PCDHGC3: variants seen among roughly 807,000 people sequenced by gnomAD.
The protein encoded by PCDHGC3 is protocadherin gamma subfamily C, 3.
Under a neutral mutation model 59.2 loss-of-function variants are expected in PCDHGC3, and 26 were observed. That is an observed-to-expected ratio of 0.44 (90% CI 0.32 to 0.61). The LOEUF (loss-of-function observed/expected upper bound fraction) is 0.61, where lower values mean the gene tolerates loss of function less well. Ranked by LOEUF, PCDHGC3 falls within the 20% of genes least tolerant of loss-of-function variation. PCDHGC3 has a pLI of 0.05. For missense variants in PCDHGC3, 1,080 were observed against 1,221.8 expected (o/e 0.88, Z 1.73); for synonymous variants, 487 against 519.7 (o/e 0.94, Z 0.86).
chr5:141,497,829 C>T (rs754594104), intron 2 of PCDHGC3, among the ~76,000 whole-genome samples: 147 of 152,160 alleles, frequency 9.7e-4, no homozygotes, highest in Non-Finnish European at 1.8e-3. Flanking sequence ...TGTGATCGCC[C>T]CCGGCCACAA....
At position 141,477,722 on chromosome 5, in the gene PCDHGC3, A is replaced by G. The variant is rs768705340; in HGVS notation, c.1606A>G (p.Thr536Ala). 9.3e-6 allele frequency: 15 copies of G among 1,613,878 alleles called. No homozygotes were observed. In the Middle Eastern group the frequency reaches 6.6e-4, roughly 71 times the overall value. Residue 536 changes from threonine to alanine, a missense_variant, in exon 1 of 4, where the codon ACA becomes GCA. Thr to Ala is a moderately conservative substitution (Grantham distance 58, BLOSUM62 0). Transcript: ENST00000308177. The surrounding 1 kb of genome is among the most constrained non-coding windows in gnomAD (Gnocchi z 4.9). ...TGAGGATCGGCGGGAATTTGAATTA[A>G]CAGCTCATATCAGCGATGGGGGCAC... ...DYEDRREFEL[T>A]AHISDGGTPV...
chr5:141,484,334 A>G (rs988395353), intron 1 of PCDHGC3, among the ~76,000 whole-genome samples: 3 of 152,192 alleles, frequency 2.0e-5, no homozygotes, highest in East Asian at 1.9e-4. Context: ...CTTGAAATCA[A>G]TGAATGGTAA....
intron 3 of PCDHGC3, among the ~76,000 whole-genome samples, chr5:141,509,320 C>A (rs1261653347): frequency 6.6e-6 from 1 of 152,194 alleles, no homozygotes; most frequent in Non-Finnish European, 1.5e-5. Flanking sequence ...GGGAGAGAAG[C>A]TCTACTGCCA....
chr5:141,482,747 G>T lies in PCDHGC3; in HGVS notation c.2430+4201G>T, dbSNP rs182945398. On this transcript the variant is annotated intron_variant, in intron 1 of 3. Transcript: ENST00000308177. ...CATTGCAAGAAATTCCATGCAGAGG[G>T]ATTATGGTATTTCATTATCACTGAA... Among the ~76,000 whole-genome samples, 567 of 128,410 alleles carry T rather than the reference G, an allele frequency of 4.4e-3. 2 individuals carry two copies. The highest frequency in any genetic ancestry group is 0.019 in the African/African-American group (533 of 28,666). The allele number at this position is 128,410 out of a possible 152,430, so 84.2% of individuals were successfully genotyped here. A position where few individuals can be genotyped will look rare whatever the true frequency, so the allele number is the denominator to read the frequency against.
intron 3 of PCDHGC3, among the ~76,000 whole-genome samples, chr5:141,509,880 T>C (rs1475661741): frequency 6.6e-6 from 1 of 152,184 alleles, no homozygotes; most frequent in African/African-American, 2.4e-5. Flanking sequence ...CTGGTGGTGA[T>C]GGTGACTGAC....
rs1562052190 is a variant in PCDHGC3, at chr5:141,476,218, CTA to C, written c.104_105del (p.Tyr35Ter). The C allele has an allele frequency of 6.2e-7, 1 of 1,613,984 alleles. No individual in the cohort carries two copies. The highest frequency in any genetic ancestry group is 8.5e-7 in the Non-Finnish European group (1 of 1,180,024). ...TGAACAAGGCTTCCACGGTCATTCA[CTA>C]TGAGATCCCGGAGGAAAGAGAGAAG... The part of the protein sequence containing the change: ...ALNKASTVIH[Y>X]EIPEEREKGF... On this transcript the variant is annotated frameshift_variant, in exon 1 of 4. Coordinates refer to ENST00000308177, the MANE Select transcript of PCDHGC3 (RefSeq NM_002588.4). LOFTEE classifies it high-confidence loss of function. This position sits in a 1 kb window ranked among gnomAD's most constrained non-coding sequence, Gnocchi z 7.6.
At chr5:141,507,016 G>C (rs913170594) in intron 3 of PCDHGC3, 1 of 152,166 alleles carries the variant, frequency 6.6e-6, no homozygotes, top group African/African-American at 2.4e-5. Context: ...AACCGAGAAG[G>C]CACTTGCCCC....
Position 141,478,169 on chromosome 5 carries a change from G to T in PCDHGC3, c.2053G>T (p.Glu685Ter). 1 of 1,613,834 alleles carries T rather than the reference G, an allele frequency of 6.2e-7. No individual in the cohort carries two copies. The highest frequency in any genetic ancestry group is 8.5e-7 in the Non-Finnish European group (1 of 1,180,000). Residue 685 changes from glutamate (E) to a stop codon, truncating the protein, a stop_gained, in exon 1 of 4, where the codon GAG becomes TAG. Coordinates refer to ENST00000308177, the MANE Select transcript of PCDHGC3 (RefSeq NM_002588.4). LOFTEE classifies it high-confidence loss of function. ...GTTCCCCTCTGGCTCTGCCCCCCGG[G>T]AGCAGAAAAAAAATCTCACCTTTTA... ...AEFPSGSAPR[E>*]QKKNLTFYLL... is the part of the protein sequence containing the mutation.
At chr5:141,500,184 TTTTATTTATTTA>T (rs58019021) in intron 2 of PCDHGC3, among the ~76,000 whole-genome samples, 197 of 135,960 alleles carry the variant, frequency 1.4e-3, no homozygotes, top group African/African-American at 3.6e-3. Context: ...TCATTTTTAT[TTTTATTTATTTA>T]TTTATTTATT....
chr5:141,482,144 G>A (rs564178008), intron 1 of PCDHGC3, among the ~76,000 whole-genome samples: 2 of 151,756 alleles, frequency 1.3e-5, no homozygotes, highest in African/African-American at 2.4e-5. Flanking sequence ...GGCATAAAAA[G>A]GTCAAGTCAA....
chr5:141,476,979 G>A lies in PCDHGC3; in HGVS notation c.863G>A (p.Arg288His), dbSNP rs772801536. Residue 288 changes from arginine (R) to histidine (H), a missense_variant, in exon 1 of 4, where the codon CGC becomes CAC. By Grantham distance (29) the Arg-to-His change is conservative. Coordinates refer to ENST00000308177, the MANE Select transcript of PCDHGC3 (RefSeq NM_002588.4). The surrounding 1 kb of genome is among the most constrained non-coding windows in gnomAD (Gnocchi z 7.6). ...ATTTACTCCTTCGGCAGCCACAACC[G>A]CGCCGGCGTGCGGCAACTATTCGCC... ...EIIYSFGSHN[R>H]AGVRQLFALD... The A allele has an allele frequency of 1.9e-6, 3 of 1,614,238 alleles. No homozygotes were observed. The South Asian group carries it at 3.3e-5, about 18-fold the overall frequency.
In PCDHGC3 at chr5:141,485,186, G is replaced by T; in HGVS notation, c.2430+6640G>T. ...GCGGGCGGCAGCAATGCTCCGCAAG[G>T]TGAGAAGCTGGACAGAAATCTGGCG... On this transcript the variant is annotated intron_variant, in intron 1 of 3. Coordinates refer to ENST00000308177, the MANE Select transcript of PCDHGC3 (RefSeq NM_002588.4). This position sits in a 1 kb window ranked among gnomAD's most constrained non-coding sequence, Gnocchi z 5.7. 1 of 1,613,706 alleles carries T rather than the reference G, an allele frequency of 6.2e-7. No individual in the cohort carries two copies. The highest frequency in any genetic ancestry group is 8.5e-7 in the Non-Finnish European group (1 of 1,179,644).
intron 1 of PCDHGC3, among the ~76,000 whole-genome samples, chr5:141,494,218 T>C (rs1224329242): frequency 1.3e-5 from 2 of 152,222 alleles, no homozygotes; most frequent in South Asian, 2.1e-4. Context: ...CAATCTGGCA[T>C]GACTCCTAAA....
intron 2 of PCDHGC3, among the ~76,000 whole-genome samples, chr5:141,495,279 G>C (rs72790069): frequency 0.027 from 4,092 of 152,256 alleles, 88 homozygotes; most frequent in Middle Eastern, 0.048. Flanking sequence ...CGGAGGAGGC[G>C]GTCCGCACTC....
intron 3 of PCDHGC3, among the ~76,000 whole-genome samples, chr5:141,507,500 A>G (rs2099861039): frequency 6.6e-6 from 1 of 152,206 alleles, no homozygotes; most frequent in Admixed American, 6.5e-5. Flanking sequence ...GAGCTGTCCC[A>G]GGTCTGGTGG....
At chr5:141,500,667 TC>T (rs1032555959) in intron 2 of PCDHGC3, among the ~76,000 whole-genome samples, 26 of 152,194 alleles carry the variant, frequency 1.7e-4, no homozygotes, top group African/African-American at 6.0e-4. Flanking sequence ...GGCCATACTG[TC>T]CAACAGAATT....
chr5:141,492,833 C>T (rs951935267), intron 1 of PCDHGC3, among the ~76,000 whole-genome samples: 2 of 152,222 alleles, frequency 1.3e-5, no homozygotes, highest in African/African-American at 4.8e-5. Flanking sequence ...CCCTTCCTCC[C>T]GCAGGAAGTG....
Position 141,489,267 on chromosome 5 carries a change from C to T in PCDHGC3, c.2431-5540C>T, listed in dbSNP as rs370726160. 27 of 1,553,302 alleles carry T rather than the reference C, an allele frequency of 1.7e-5. No individual in the cohort carries two copies. Among genetic ancestry groups the T allele is most frequent in the African/African-American group, 8.2e-5 (6 of 73,324 alleles). ...TGGGGCCCAAGACACTCCCACAGCT[C>T]GCTGGGAAATGGCAAGTGCTGTGCA... On this transcript the variant is annotated intron_variant, in intron 1 of 3. Transcript: ENST00000308177. This position sits in a 1 kb window ranked among gnomAD's most constrained non-coding sequence, Gnocchi z 4.5.
At chr5:141,505,604 G>T (rs772730114) in intron 3 of PCDHGC3, 123 bp downstream of exon 3, 1 of 1,535,418 alleles carries the variant, frequency 6.5e-7, no homozygotes, top group Non-Finnish European at 8.8e-7. Flanking sequence ...CTTTCGGCAG[G>T]TCTGAAAGGA....
Sources: gnomAD v4.1 joint callset for allele counts (sites outside exome capture counted in the v4.1 genomes callset) on GRCh38, gnomAD v4.1.1 for gene constraint, Gnocchi (gnomAD v3.1) non-coding constraint, MANE v1.5 for transcripts, NCBI Gene and HGNC (gene_info 2026-07-23, HGNC 2026-07-21) for gene names.